The following CDH23 variants were observed in gnomAD, a reference collection of about 807,000 sequenced individuals.
CDH23 encodes the protein cadherin related 23.
CDH23 carries 189 observed loss-of-function variants against 317.1 expected under a neutral mutation model. The ratio of observed to expected loss-of-function variants is 0.60; its 90% CI spans 0.53 to 0.67. The LOEUF (loss-of-function observed/expected upper bound fraction) is 0.67. CDH23 is among the 30% of genes least tolerant of loss of function. The pLI is 0.00. For synonymous variants in CDH23, 1,839 were observed against 1,876.8 expected, an observed-to-expected ratio of 0.98 and a Z score of 0.52; for missense variants, 4,401 against 4,592.4, an observed-to-expected ratio of 0.96 and a Z score of 1.20.
intron 9 of CDH23, among the ~76,000 whole-genome samples, chr10:71,592,195 G>A (rs1859539531): frequency 6.6e-6 from 1 of 152,164 alleles, no homozygotes; most frequent in African/African-American, 2.4e-5. Flanking sequence ...AGGAAAAGGG[G>A]CTTGCTGTGA....
intron 26 of CDH23, 45 bp from the exon 27 acceptor site, chr10:71,709,053 G>A: frequency 6.4e-7 from 1 of 1,573,312 alleles, no homozygotes; most frequent in South Asian, 1.1e-5. Flanking sequence ...CCCCTGGCCG[G>A]GAGCTCTGTT....
intron 14 of CDH23, among the ~76,000 whole-genome samples, chr10:71,672,792 G>T (rs1864201425): frequency 6.6e-6 from 1 of 152,126 alleles, no homozygotes; most frequent in African/African-American, 2.4e-5. Flanking sequence ...GGGTGAAGGG[G>T]ATGGGATGCA....
At chr10:71,738,926 C>T (rs1450314997) in intron 35 of CDH23, among the ~76,000 whole-genome samples, 3 of 152,378 alleles carry the variant, frequency 2.0e-5, no homozygotes, top group East Asian at 1.9e-4. Context: ...CTCCTTCCCA[C>T]GCAGCCCCAG....
In CDH23 at chr10:71,547,879, GGA is replaced by G. The variant is rs748145135; in HGVS notation, c.430-18860_430-18859del. Among the ~76,000 whole-genome samples the G allele has an allele frequency of 3.1e-4, 47 of 152,346 alleles. No individual in the cohort carries two copies. In the South Asian group the frequency reaches 3.3e-3, roughly 11 times the overall value. On this transcript the variant is annotated intron_variant, in intron 6 of 69. Transcript: ENST00000224721. ...GTTTGGGACCCAGAGAGGCCTCCAT[GGA>G]GATGGGAGTGTCTCAACTGCTGTGG...
intron 9 of CDH23, among the ~76,000 whole-genome samples, chr10:71,600,426 A>T (rs1036104695): frequency 3.9e-5 from 6 of 152,174 alleles, no homozygotes; most frequent in Middle Eastern, 3.4e-3. Context: ...CTGGCAAATC[A>T]CAATGCCCAT....
intron 1 of CDH23, among the ~76,000 whole-genome samples, chr10:71,432,758 A>T (rs953582873): frequency 6.6e-6 from 1 of 152,176 alleles, no homozygotes; most frequent in African/African-American, 2.4e-5. Flanking sequence ...TAGCGAGGAA[A>T]GACCCAGTGG....
intron 3 of CDH23, among the ~76,000 whole-genome samples, chr10:71,480,793 CAAG>C (rs1297573082): frequency 2.0e-5 from 3 of 151,160 alleles, no homozygotes; most frequent in African/African-American, 7.3e-5. Flanking sequence ...TCGGCTCACA[CAAG>C]AAGAAGGACA....
At chr10:71,671,004 G>T (rs1864123003) in intron 14 of CDH23, among the ~76,000 whole-genome samples, 1 of 147,416 alleles carries the variant, frequency 6.8e-6, no homozygotes, top group Non-Finnish European at 1.5e-5. Context: ...CTGTCACACA[G>T]GCTGGAGTGC....
rs111033494 is a variant in CDH23 at position 71,793,524 on chromosome 10, T to C, written c.6596T>C (p.Ile2199Thr). The C allele has an allele frequency of 5.0e-6, 8 of 1,613,894 alleles. No individual in the cohort carries two copies. The highest frequency in any genetic ancestry group is 2.2e-5 in the South Asian group (2 of 91,080). The change falls in exon 48 of 70, where the codon ATT becomes ACT. Residue 2199 changes from isoleucine to threonine, a missense_variant. Transcript: ENST00000224721. ...ACTGTCATTGCCAATATCACGGCCATTGACCACGACCTCAACCCAAAGCTA... is the reference window on the plus strand; with the variant it reads ...ACTGTCATTGCCAATATCACGGCCACTGACCACGACCTCAACCCAAAGCTA... ...PGTVIANITAIDHDLNPKLEY... is the reference protein window; with the variant it reads ...PGTVIANITATDHDLNPKLEY...
intron 41 of CDH23, 48 bp downstream of exon 41, chr10:71,779,495 C>G (rs942310485): frequency 6.7e-7 from 1 of 1,500,356 alleles, no homozygotes; most frequent in African/African-American, 1.4e-5. Context: ...ACCTGCACAC[C>G]CGCTCAGGGG....
chr10:71,533,582 G>A (rs1184227655), intron 6 of CDH23, among the ~76,000 whole-genome samples: 7 of 145,612 alleles, frequency 4.8e-5, no homozygotes, highest in Non-Finnish European at 1.1e-4. Context: ...GGCTGGGGCT[G>A]CAGAGGCCAG....
At chr10:71,576,003 T>G (rs969379701) in intron 8 of CDH23, among the ~76,000 whole-genome samples, 1 of 152,200 alleles carries the variant, frequency 6.6e-6, no homozygotes, top group Non-Finnish European at 1.5e-5. Flanking sequence ...CGGGTATGAC[T>G]CTTTTAGGAA....
chr10:71,677,554 G>T lies in CDH23; in HGVS notation c.1613G>T (p.Gly538Val). The change falls in exon 16 of 70, where the codon GGG (glycine) becomes GTG (valine). Residue 538 changes from glycine (G) to valine (V), a missense_variant. By Grantham distance (109) the Gly-to-Val change is moderately radical. This residue lies in a region of CDH23 where 3,068 missense variants were observed against 3,203.3 expected (regional missense o/e 0.96). Transcript: ENST00000224721. Reference sequence around the variant, plus strand: ...ACCCTGACGATCATTGCCCGGGACGGGGGCGGCGAGGAGACCACAGGCCGG... The same window carrying T: ...ACCCTGACGATCATTGCCCGGGACGTGGGCGGCGAGGAGACCACAGGCCGG... The part of the protein sequence containing the change: ...RFTLTIIARD[G>V]GGEETTGRVR... 1 of 1,611,690 alleles carries T rather than the reference G, an allele frequency of 6.2e-7. No individual in the cohort carries two copies. The highest frequency in any genetic ancestry group is 8.5e-7 in the Non-Finnish European group (1 of 1,179,244).
At chr10:71,689,163 G>A (rs1564734177) in intron 19 of CDH23, among the ~76,000 whole-genome samples, 1 of 149,072 alleles carries the variant, frequency 6.7e-6, no homozygotes, top group African/African-American at 2.5e-5. Context: ...CAGGGATGGT[G>A]GAGTCAGGGG....
chr10:71,642,653 G>A (rs934813486), intron 11 of CDH23, among the ~76,000 whole-genome samples: 4 of 152,062 alleles, frequency 2.6e-5, no homozygotes, highest in African/African-American at 2.4e-5. Context: ...ACCCACCTCC[G>A]CTTCCCGACG....
At chr10:71,668,007 C>G (rs1863985295) in intron 14 of CDH23, among the ~76,000 whole-genome samples, 1 of 152,136 alleles carries the variant, frequency 6.6e-6, no homozygotes, top group Non-Finnish European at 1.5e-5. Flanking sequence ...ACAGCTCCCT[C>G]CAATCCAGGC....
chr10:71,702,210 C>T lies in CDH23; in HGVS notation c.2586C>T (p.Asp862=). ...GCAAAATCGTCGTCTCTGTTACTGA[C>T]TGTATGGACCCCTCTCGCCCCTCAC... is the stretch of plus-strand genomic sequence containing the variant. ...LMRKIVVSVT[D]CGRPPLKATS... is the part of the protein sequence containing the mutation. The change falls in exon 23 of 70, where the codon GAC becomes GAT. Residue 862 remains aspartate (D), a splice_region_variant and synonymous_variant. Coordinates refer to ENST00000224721, the MANE Select transcript of CDH23 (RefSeq NM_022124.6). 1 of 1,613,022 alleles carries T rather than the reference C, an allele frequency of 6.2e-7. No individual in the cohort carries two copies.
At chr10:71,755,399 C>G (rs776229370) in intron 38 of CDH23, 1 of 1,613,412 alleles carries the variant, frequency 6.2e-7, no homozygotes, top group African/African-American at 1.3e-5. Context: ...AGACCAGGAG[C>G]AGGATGAGGG....
At chr10:71,535,597 A>C (rs1855657259) in intron 6 of CDH23, among the ~76,000 whole-genome samples, 3 of 152,226 alleles carry the variant, frequency 2.0e-5, no homozygotes, top group Non-Finnish European at 4.4e-5. Flanking sequence ...GGCTTTCACC[A>C]TGTGGAGCTC....
Sources: gnomAD v4.1 joint callset for allele counts (sites outside exome capture counted in the v4.1 genomes callset) on GRCh38, gnomAD v4.1.1 for gene constraint, gnomAD v4.1.1 regional missense constraint, MANE v1.5 for transcripts, NCBI Gene and HGNC (gene_info 2026-07-23, HGNC 2026-07-21) for gene names.